SYMPK: variants seen among roughly 807,000 people sequenced by gnomAD.
SYMPK encodes symplekin scaffold protein.
A neutral mutation model predicts 136.4 loss-of-function variants in SYMPK; 49 were observed. The observed-to-expected ratio is 0.36, with a 90% CI of 0.29 to 0.46. The LOEUF is 0.46. Ranked by LOEUF, SYMPK falls within the 20% of genes least tolerant of loss-of-function variation. The pLI, the probability that SYMPK is intolerant of heterozygous loss-of-function variation, is 1.00. For synonymous variants in SYMPK, 766 were observed against 713.0 expected (o/e 1.07, Z -1.19); for missense variants, 1,365 against 1,690.0 (o/e 0.81, Z 3.37).
chr19:45,829,967 C>T (rs756587965), intron 13 of SYMPK, 87 bp downstream of exon 13: 112 of 1,442,052 alleles, frequency 7.8e-5, no homozygotes, highest in Non-Finnish European at 9.6e-5. Flanking sequence ...GGAGGTTTGA[C>T]GCCAGGGCCA....
In SYMPK at chr19:45,826,163, C is replaced by A. The variant is rs1600498460; in HGVS notation, c.2329+63G>T. 4 of 1,543,950 alleles carry A rather than the reference C, an allele frequency of 2.6e-6. No homozygotes were observed. The African/African-American group carries it at 5.4e-5, about 21-fold the overall frequency. On this transcript the variant is annotated intron_variant, in intron 17 of 26. Coordinates refer to ENST00000245934, the MANE Select transcript of SYMPK (RefSeq NM_004819.3). The stretch of plus-strand genomic sequence containing the variant: ...GTGGCTTCCCCACTCATCCCCTCTG[C>A]TCGCAGGGCCCAGAGCGCGGACACA...
intron 10 of SYMPK, 21 bp from the exon 11 acceptor site, chr19:45,835,249 G>C (rs1317077476): frequency 9.7e-6 from 15 of 1,552,694 alleles, no homozygotes; most frequent in African/African-American, 2.7e-5. Context: ...CCCAGGAAGA[G>C]AGCCTCTCCT....
intron 15 of SYMPK, 86 bp from the exon 16 acceptor site, chr19:45,827,709 C>T (rs1358001936): frequency 2.0e-6 from 3 of 1,504,410 alleles, no homozygotes; most frequent in East Asian, 4.5e-5. Flanking sequence ...TGATCAGGTA[C>T]CTGGACAAAA....
intron 13 of SYMPK, 112 bp from the exon 14 acceptor site, chr19:45,829,317 G>C (rs895879478): frequency 1.1e-4 from 105 of 958,900 alleles, no homozygotes; most frequent in Non-Finnish European, 1.5e-4. Flanking sequence ...AGCAGACAAG[G>C]AGTGAAGCGA....
In SYMPK at chr19:45,854,433, T is replaced by G. The variant is rs760513984; in HGVS notation, c.63A>C (p.Gln21His). The change falls in exon 2 of 27, where the codon CAA becomes CAC. Residue 21 changes from glutamine to histidine, a missense_variant. Around this residue, in one of 11 missense-constraint regions of SYMPK, gnomAD observed 61 missense variants for 80.7 expected, o/e 0.76. Coordinates refer to ENST00000245934, the MANE Select transcript of SYMPK (RefSeq NM_004819.3). ...RRSVASQFFT[Q>H]EEGPGIDGMT... ...TGCCATCGATGCCCGGCCCCTCCTC[T>G]TGAGTGAAAAACTGTGATGCCACGC... The G allele has an allele frequency of 1.2e-6, 2 of 1,611,418 alleles. No homozygotes were observed. The highest frequency in any genetic ancestry group is 8.5e-7 in the Non-Finnish European group (1 of 1,177,606).
At chr19:45,834,944 G>A in intron 11 of SYMPK, 134 bp downstream of exon 11, 1 of 779,552 alleles carries the variant, frequency 1.3e-6, no homozygotes, top group Non-Finnish European at 1.9e-6. Flanking sequence ...TCTATCTGTG[G>A]TACCTGTCAT....
intron 11 of SYMPK, among the ~76,000 whole-genome samples, 194 bp from the exon 12 acceptor site, chr19:45,831,782 C>G (rs1971181148): frequency 1.3e-5 from 2 of 152,140 alleles, no homozygotes; most frequent in Admixed American, 1.3e-4. Context: ...ACTAGAAATG[C>G]CATTCATTGC....
intron 1 of SYMPK, chr19:45,861,897 T>G (rs1971975863): frequency 6.6e-6 from 1 of 151,734 alleles, no homozygotes; most frequent in Non-Finnish European, 1.5e-5. Context: ...ATATAAAAAT[T>G]ACCTGGGTGT....
rs367710142 is a variant in SYMPK, at chr19:45,842,219, C to A, written c.1087+31G>T. 4 of 1,612,726 alleles carry A rather than the reference C, an allele frequency of 2.5e-6. No individual in the cohort carries two copies. The South Asian group carries it at 4.4e-5, about 18-fold the overall frequency. Reference sequence around the variant, plus strand: ...AAATAATGAAACATTTCAGCATGGTCTGCCTGCCCCACCCCACCAGCCCCT... The same window carrying A: ...AAATAATGAAACATTTCAGCATGGTATGCCTGCCCCACCCCACCAGCCCCT... On this transcript the variant is annotated intron_variant, in intron 9 of 26. Transcript: ENST00000245934.
At chr19:45,840,736 A>G (rs1971414524) in intron 9 of SYMPK, among the ~76,000 whole-genome samples, 1 of 151,710 alleles carries the variant, frequency 6.6e-6, no homozygotes, top group Non-Finnish European at 1.5e-5. Flanking sequence ...CCAGTTACTC[A>G]GGAAGCAGAG....
chr19:45,831,394 T>C lies in SYMPK; in HGVS notation c.1588A>G (p.Thr530Ala), dbSNP rs1971170188. Residue 530 changes from threonine (T) to alanine (A), a missense_variant, in exon 12 of 27, where the codon ACT becomes GCT. By Grantham distance (58) the Thr-to-Ala change is moderately conservative (BLOSUM62 0). Transcript: ENST00000245934. ...KRRPEPIIPVTQPRLAGAGGR... is the reference protein window; with the variant it reads ...KRRPEPIIPVAQPRLAGAGGR... ...CAGAAGAGGACTCACCGGGGCTGAG[T>C]GACAGGGATAATGGGCTCTGGCCTC... 7 of 1,568,106 alleles carry C rather than the reference T, an allele frequency of 4.5e-6. No individual in the cohort carries two copies. The highest frequency in any genetic ancestry group is 6.1e-6 in the Non-Finnish European group (7 of 1,155,676).
intron 21 of SYMPK, 110 bp downstream of exon 21, chr19:45,822,646 A>G: frequency 3.6e-6 from 3 of 827,732 alleles, no homozygotes; most frequent in Non-Finnish European, 6.0e-6. Flanking sequence ...CTGGTGTCCC[A>G]GGGAGCAGGA....
At position 45,815,938 on chromosome 19, in the gene SYMPK, G is replaced by C. The variant is rs745909702; in HGVS notation, c.3600C>G (p.Thr1200=). The C allele has an allele frequency of 2.5e-6, 4 of 1,611,804 alleles. No homozygotes were observed. Among genetic ancestry groups the C allele is most frequent in the South Asian group, 1.1e-5 (1 of 90,788 alleles). ...DFREEGPECE[T]PGIFISMDDD... is the part of the protein sequence containing the mutation. ...CATCCATGCTGATGAAGATGCCCGG[G>C]GTCTCGCACTCAGGCCCCTCCTCCC... The change falls in exon 26 of 27, where the codon ACC becomes ACG. Residue 1200 remains threonine, a synonymous_variant. Coordinates refer to ENST00000245934, the MANE Select transcript of SYMPK (RefSeq NM_004819.3).
At chr19:45,822,211 C>T (rs969665526) in intron 21 of SYMPK, among the ~76,000 whole-genome samples, 14 of 148,448 alleles carry the variant, frequency 9.4e-5, no homozygotes, top group African/African-American at 2.5e-4. Flanking sequence ...CTCCGCCTCC[C>T]GGGTTCATGC....
chr19:45,822,637 T>C, intron 21 of SYMPK, 119 bp downstream of exon 21: 2 of 756,480 alleles, frequency 2.6e-6, no homozygotes, highest in South Asian at 1.6e-5. Context: ...CCAGTACAGC[T>C]GGTGTCCCAG....
At chr19:45,820,894 A>T (rs949506968) in intron 22 of SYMPK, 1 of 556,648 alleles carries the variant, frequency 1.8e-6, no homozygotes, top group Non-Finnish European at 3.2e-6. Flanking sequence ...AGCCCAGCGC[A>T]GAGTGCTCAG....
At chr19:45,834,155 G>T (rs971815002) in intron 11 of SYMPK, among the ~76,000 whole-genome samples, 2 of 152,182 alleles carry the variant, frequency 1.3e-5, no homozygotes, top group Non-Finnish European at 2.9e-5. Flanking sequence ...GGGCGTGGTG[G>T]CAGGCGCCTG....
chr19:45,853,546 G>T (rs1971743921), intron 3 of SYMPK, among the ~76,000 whole-genome samples: 1 of 151,762 alleles, frequency 6.6e-6, no homozygotes, highest in Non-Finnish European at 1.5e-5. Context: ...GCTGAGGCAG[G>T]AGTTGCAGTG....
chr19:45,836,171 G>A (rs960342778), intron 10 of SYMPK, among the ~76,000 whole-genome samples: 4 of 150,698 alleles, frequency 2.7e-5, no homozygotes, highest in African/African-American at 7.3e-5. Context: ...AACCTCTGCC[G>A]CCTGGGTTCA....
Sources: allele counts gnomAD v4.1 joint callset (sites outside exome capture counted in the v4.1 genomes callset), GRCh38; gene constraint gnomAD v4.1.1; regional missense constraint gnomAD v4.1.1; transcripts MANE v1.5; gene names NCBI Gene and HGNC (gene_info 2026-07-23, HGNC 2026-07-21).